KCNT2: variants seen among roughly 807,000 people sequenced by gnomAD.
The protein encoded by KCNT2 is potassium channel subfamily T member 2.
In KCNT2, 67 loss-of-function variants were observed where a neutral mutation model predicts 153.8. The observed-to-expected ratio is 0.44, with a 90% CI of 0.36 to 0.53. KCNT2 has a LOEUF of 0.53. Among genes scored for constraint, KCNT2 ranks in the 20% least tolerant of loss-of-function variants. The pLI, the probability that KCNT2 is intolerant of heterozygous loss-of-function variation, is 0.00. For missense variants in KCNT2, 975 were observed against 1,354.8 expected, an observed-to-expected ratio of 0.72 and a Z score of 4.40; for synonymous variants, 500 against 458.8, an observed-to-expected ratio of 1.09 and a Z score of -1.15.
intron 12 of KCNT2, among the ~76,000 whole-genome samples, chr1:196,399,200 C>A (rs1671210703): frequency 6.6e-6 from 1 of 151,336 alleles, no homozygotes; most frequent in African/African-American, 2.4e-5. Flanking sequence ...TTTAAAAAGA[C>A]ACTTAAAGTA....
chr1:196,319,534 A>T lies in KCNT2; in HGVS notation c.2298T>A (p.Asp766Glu). 6.2e-7 allele frequency: 1 copy of T among 1,609,840 alleles called. No individual in the cohort carries two copies. Among genetic ancestry groups the T allele is most frequent in the Non-Finnish European group, 8.5e-7 (1 of 1,177,110 alleles). ...LDNPPDMHFL[D>E]AICWFPMVYY... ...AAACCATTGGAAACCAACAGATTGC[A>T]TCCAGAAAATGCATATCTGGCCTAA... Residue 766 changes from aspartate to glutamate, a missense_variant, in exon 20 of 28, where the codon GAT becomes GAA. Asp to Glu is a conservative substitution (Grantham distance 45). This residue lies in a region of KCNT2 where 325 missense variants were observed against 388.1 expected (regional missense o/e 0.84). Transcript: ENST00000294725.
chr1:196,455,189 T>A (rs1676557017), intron 8 of KCNT2, among the ~76,000 whole-genome samples: 1 of 152,000 alleles, frequency 6.6e-6, no homozygotes, highest in East Asian at 1.9e-4. Flanking sequence ...AGAGCTCATA[T>A]GATTTCAGAC....
At chr1:196,280,271 A>G (rs1658971581) in intron 25 of KCNT2, among the ~76,000 whole-genome samples, 1 of 152,206 alleles carries the variant, frequency 6.6e-6, no homozygotes. Context: ...CGGGTGCATG[A>G]ACTTACCAGA....
intron 8 of KCNT2, among the ~76,000 whole-genome samples, chr1:196,441,804 C>T (rs1675257482): frequency 6.6e-6 from 1 of 151,690 alleles, no homozygotes; most frequent in African/African-American, 2.4e-5. Flanking sequence ...GTGTGTTGTT[C>T]TGTTGAATCC....
intron 16 of KCNT2, among the ~76,000 whole-genome samples, chr1:196,335,404 C>G (rs574444917): frequency 2.0e-5 from 3 of 152,112 alleles, no homozygotes; most frequent in Non-Finnish European, 4.4e-5. Context: ...GTATAGCCTA[C>G]TGCCCCTAGG....
At chr1:196,294,132 C>G (rs1349692266) in intron 22 of KCNT2, among the ~76,000 whole-genome samples, 1 of 151,992 alleles carries the variant, frequency 6.6e-6, no homozygotes, top group Non-Finnish European at 1.5e-5. Flanking sequence ...CAGGGAAATG[C>G]AAATTAAAGC....
chr1:196,268,229 A>G (rs964526641), intron 25 of KCNT2, among the ~76,000 whole-genome samples: 11 of 152,144 alleles, frequency 7.2e-5, no homozygotes, highest in African/African-American at 2.7e-4. Flanking sequence ...CCTCCAAGGT[A>G]AAGAACTCTG....
At chr1:196,587,307 A>C (rs1438351318) in intron 1 of KCNT2, among the ~76,000 whole-genome samples, 4 of 152,098 alleles carry the variant, frequency 2.6e-5, no homozygotes, top group African/African-American at 9.7e-5. Context: ...TTCATTTTGC[A>C]GATGAGAGCA....
intron 27 of KCNT2, among the ~76,000 whole-genome samples, chr1:196,230,866 A>G (rs1653890188): frequency 6.6e-6 from 1 of 152,030 alleles, no homozygotes; most frequent in South Asian, 2.1e-4. Flanking sequence ...ATTATTACAT[A>G]AACTTAGTTG....
intron 1 of KCNT2, among the ~76,000 whole-genome samples, chr1:196,592,264 G>T (rs1663452299): frequency 6.6e-6 from 1 of 151,880 alleles, no homozygotes; most frequent in South Asian, 2.1e-4. Context: ...AGTCAGAAAT[G>T]ACATCTTTTC....
intron 26 of KCNT2, among the ~76,000 whole-genome samples, chr1:196,250,509 T>A (rs890612830): frequency 1.3e-5 from 2 of 152,156 alleles, no homozygotes; most frequent in Non-Finnish European, 2.9e-5. Context: ...TTAAGACTAC[T>A]AACTATGAAA....
At position 196,326,789 on chromosome 1, in the gene KCNT2, A is replaced by C; in HGVS notation, c.2204T>G (p.Phe735Cys). 2 of 1,583,482 alleles carry C rather than the reference A, an allele frequency of 1.3e-6. No individual in the cohort carries two copies. Among genetic ancestry groups the C allele is most frequent in the South Asian group, 2.3e-5 (2 of 86,296 alleles). ...ATAATATGCCCTGAGAGGAACAATAAAGTTATATAATCCATTTCCAGCTGT... is the reference window on the plus strand; with the variant it reads ...ATAATATGCCCTGAGAGGAACAATACAGTTATATAATCCATTTCCAGCTGT... Reference protein sequence around the residue: ...AETAGNGLYNFIVPLRAYYRP... With the variant: ...AETAGNGLYNCIVPLRAYYRP... Residue 735 changes from phenylalanine (F) to cysteine (C), a missense_variant, in exon 19 of 28, where the codon TTT becomes TGT. This residue lies in a region of KCNT2 where 325 missense variants were observed against 388.1 expected (regional missense o/e 0.84). Transcript: ENST00000294725.
intron 1 of KCNT2, among the ~76,000 whole-genome samples, chr1:196,600,615 T>C (rs1319489166): frequency 6.6e-6 from 1 of 151,616 alleles, no homozygotes; most frequent in African/African-American, 2.4e-5. Context: ...AGCACAACAA[T>C]AGAAATACAT....
intron 1 of KCNT2, among the ~76,000 whole-genome samples, chr1:196,582,235 C>T (rs561725775): frequency 1.3e-4 from 19 of 151,986 alleles, no homozygotes; most frequent in African/African-American, 2.2e-4. Context: ...TAATCACCAA[C>T]GGATTACTTA....
intron 1 of KCNT2, among the ~76,000 whole-genome samples, chr1:196,584,235 G>A (rs1385498494): frequency 6.7e-6 from 1 of 149,158 alleles, no homozygotes; most frequent in Non-Finnish European, 1.5e-5. Context: ...AATTGTGGAG[G>A]AATCACCAAA....
chr1:196,600,243 G>T (rs151086790), intron 1 of KCNT2, among the ~76,000 whole-genome samples: 1 of 152,268 alleles, frequency 6.6e-6, no homozygotes, highest in Non-Finnish European at 1.5e-5. Flanking sequence ...AAGCATGTAC[G>T]TGATCACTCT....
chr1:196,364,019 A>G (rs1667838596), intron 14 of KCNT2, among the ~76,000 whole-genome samples: 1 of 152,138 alleles, frequency 6.6e-6, no homozygotes, highest in Non-Finnish European at 1.5e-5. Flanking sequence ...AAATTGGAGG[A>G]GGTTAAAGAG....
intron 12 of KCNT2, among the ~76,000 whole-genome samples, chr1:196,408,254 AAG>A (rs1156714305): frequency 6.6e-6 from 1 of 151,522 alleles, no homozygotes; most frequent in Non-Finnish European, 1.5e-5. Flanking sequence ...ACCCTTATCC[AAG>A]AAAAACCTTC....
chr1:196,228,144 C>G lies in KCNT2; in HGVS notation c.*80G>C, dbSNP rs77782152. 0.031 allele frequency: 22,420 copies of G among 719,958 alleles called. 597 individuals are homozygous for G. The highest frequency in any genetic ancestry group is 0.079 in the South Asian group (4,774 of 60,558). The allele number at this position is 719,958 out of a possible 1,614,324, so 44.6% of individuals were successfully genotyped here. ...ATGAGAGAATTACATATATTTCCATCTAGTTTCTTTCGTGCCAGCAAAACT... is the reference window on the plus strand; with the variant it reads ...ATGAGAGAATTACATATATTTCCATGTAGTTTCTTTCGTGCCAGCAAAACT... On this transcript the variant is annotated 3_prime_UTR_variant, in exon 28 of 28. Coordinates refer to ENST00000294725, the MANE Select transcript of KCNT2 (RefSeq NM_198503.5).
Sources: gnomAD v4.1 joint callset for allele counts (sites outside exome capture counted in the v4.1 genomes callset) on GRCh38, gnomAD v4.1.1 for gene constraint, gnomAD v4.1.1 regional missense constraint, MANE v1.5 for transcripts, NCBI Gene and HGNC (gene_info 2026-07-23, HGNC 2026-07-21) for gene names.